The following KAZN variants were observed in gnomAD, a reference collection of about 807,000 sequenced individuals.
The protein encoded by KAZN is kazrin.
KAZN carries 40 observed loss-of-function variants against 87.4 expected under a neutral mutation model. The observed-to-expected ratio is 0.46, with a 90% CI of 0.36 to 0.60. The LOEUF is 0.60. Ranked by LOEUF, KAZN falls within the 20% of genes least tolerant of loss-of-function variation. KAZN has a pLI of 0.00. For missense variants in KAZN, 898 were observed against 1,073.9 expected (o/e 0.84, Z 2.29); for synonymous variants, 466 against 458.3 (o/e 1.02, Z -0.22).
intron 1 of KAZN, among the ~76,000 whole-genome samples, chr1:14,833,563 C>G (rs937989336): frequency 6.6e-6 from 1 of 152,144 alleles, no homozygotes. Context: ...GTAGGGTATC[C>G]GTCCTCTACC....
intron 14 of KAZN, chr1:15,113,590 A>G (rs1641734922): frequency 6.6e-6 from 1 of 152,208 alleles, no homozygotes; most frequent in Non-Finnish European, 1.5e-5. Flanking sequence ...TGTGATAATA[A>G]TAGTCACTAT....
At chr1:14,476,045 A>G (rs1668705667) in intron 2 of KAZN, among the ~76,000 whole-genome samples, 2 of 152,186 alleles carry the variant, frequency 1.3e-5, no homozygotes. Context: ...CAGCAGCCCA[A>G]CAGGCAGGTA....
intron 1 of KAZN, among the ~76,000 whole-genome samples, chr1:14,863,403 GAACA>G (rs2101029530): frequency 6.6e-6 from 1 of 152,312 alleles, no homozygotes; most frequent in South Asian, 2.1e-4. Context: ...GAATGTGATT[GAACA>G]AACCTCTAAC....
At chr1:14,502,369 T>G (rs180962824) in intron 2 of KAZN, among the ~76,000 whole-genome samples, 3 of 152,280 alleles carry the variant, frequency 2.0e-5, no homozygotes, top group Admixed American at 2.0e-4. Context: ...CTGAAGGCAA[T>G]AGTTTTGAAG....
chr1:14,776,667 C>T (rs1645182405), intron 1 of KAZN, among the ~76,000 whole-genome samples: 1 of 152,258 alleles, frequency 6.6e-6, no homozygotes, highest in South Asian at 2.1e-4. Context: ...AGTGACACAC[C>T]TGTAATCCCA....
chr1:13,945,679 T>TTGTGTGTGTGTGTG lies in KAZN; in HGVS notation c.91+51942_91+51955dup, dbSNP rs60728794. Among the ~76,000 whole-genome samples, 521 of 123,366 alleles carry TTGTGTGTGTGTGTG rather than the reference T, an allele frequency of 4.2e-3. 3 individuals are homozygous for TTGTGTGTGTGTGTG. Among genetic ancestry groups the TTGTGTGTGTGTGTG allele is most frequent in the Middle Eastern group, 7.9e-3 (2 of 252 alleles). 80.9% of individuals were successfully genotyped at this position (123,366 alleles called of 152,430 possible). A position where few individuals can be genotyped will look rare whatever the true frequency, so the allele number is the denominator to read the frequency against. ...TTTTTAAATGACATTTGCTCTCAGT[T>TTGTGTGTGTGTGTG]TGTGTGTGTGTGTGTGTGTGTGTGT... On this transcript the variant is annotated intron_variant, in intron 1 of 16. Transcript: ENST00000636203.
intron 1 of KAZN, among the ~76,000 whole-genome samples, chr1:14,659,005 G>C (rs146349180): frequency 6.6e-6 from 1 of 152,126 alleles, no homozygotes; most frequent in Non-Finnish European, 1.5e-5. Context: ...TCAAGAGGCC[G>C]AGGTGGGAGG....
chr1:14,529,036 G>C (rs1397783119), intron 2 of KAZN, among the ~76,000 whole-genome samples: 1 of 152,140 alleles, frequency 6.6e-6, no homozygotes, highest in Admixed American at 6.5e-5. Context: ...CGGCGCGGTG[G>C]CTCATGCCTG....
In KAZN at chr1:14,904,907, G is replaced by A. The variant is rs758841501; in HGVS notation, c.227-55777G>A. On this transcript the variant is annotated intron_variant, in intron 1 of 14. Transcript: ENST00000376030. ...CTCCCAAGTAGCTGGAACTACAGGCGCTGGCCACCACACCTGGCTAATTTT... is the reference window on the plus strand; with the variant it reads ...CTCCCAAGTAGCTGGAACTACAGGCACTGGCCACCACACCTGGCTAATTTT... Among the ~76,000 whole-genome samples the A allele has an allele frequency of 1.2e-4, 18 of 152,124 alleles. 1 individual carries two copies. The South Asian group carries it at 3.1e-3, about 26-fold the overall frequency.
At chr1:14,843,520 C>A (rs1362392180) in intron 1 of KAZN, among the ~76,000 whole-genome samples, 2 of 152,176 alleles carry the variant, frequency 1.3e-5, no homozygotes, top group African/African-American at 2.4e-5. Flanking sequence ...AGGAGATGAC[C>A]TTTCTGCCGT....
At chr1:14,120,004 C>T (rs1452455212) in intron 1 of KAZN, among the ~76,000 whole-genome samples, 1 of 152,142 alleles carries the variant, frequency 6.6e-6, no homozygotes, top group East Asian at 1.9e-4. Flanking sequence ...CTTGTTCACA[C>T]TCTGCTAGAC....
rs760075284 is a variant in KAZN, at chr1:15,094,956, C to CG, written c.1547+28dup. 194 of 1,511,390 alleles carry CG rather than the reference C, an allele frequency of 1.3e-4. No homozygotes were observed. Among genetic ancestry groups the CG allele is most frequent in the Admixed American group, 1.8e-4 (9 of 50,626 alleles). The allele number at this position is 1,511,390 out of a possible 1,614,324, so 93.6% of individuals were successfully genotyped here. On this transcript the variant is annotated intron_variant, in intron 10 of 14. Coordinates refer to ENST00000376030, the MANE Select transcript of KAZN (RefSeq NM_201628.3). This position sits in a 1 kb window ranked among gnomAD's most constrained non-coding sequence, Gnocchi z 4.5. ...CAGGTGAGCCCACCACGAGGGGCCCCGGGGGAGGAGAGAAAAAGTCATCCT... is the reference window on the plus strand; with the variant it reads ...CAGGTGAGCCCACCACGAGGGGCCCCGGGGGGAGGAGAGAAAAAGTCATCCT...
chr1:14,212,210 C>T (rs1646867867), intron 2 of KAZN, among the ~76,000 whole-genome samples: 1 of 152,146 alleles, frequency 6.6e-6, no homozygotes, highest in African/African-American at 2.4e-5. Flanking sequence ...TTGGCATCAT[C>T]CCCTGCTAGG....
At chr1:14,238,371 C>T (rs1347478358) in intron 2 of KAZN, among the ~76,000 whole-genome samples, 1 of 152,196 alleles carries the variant, frequency 6.6e-6, no homozygotes, top group Non-Finnish European at 1.5e-5. Flanking sequence ...TGGGTGTCCT[C>T]TCCAGATGGG....
chr1:14,113,667 T>C (rs779089118), intron 1 of KAZN, among the ~76,000 whole-genome samples: 3 of 152,228 alleles, frequency 2.0e-5, no homozygotes, highest in Non-Finnish European at 4.4e-5. Flanking sequence ...ACCCAAGTGT[T>C]CTGACTGCAG....
chr1:14,489,735 A>AT (rs1482681708), intron 2 of KAZN, among the ~76,000 whole-genome samples: 3 of 103,216 alleles, frequency 2.9e-5, no homozygotes, highest in South Asian at 2.7e-4. Flanking sequence ...CTCTGTCTTA[A>AT]AAATAATAAT....
rs9725437 is a variant in KAZN, at chr1:15,048,803, A to G, written c.726+4644A>G. Among the ~76,000 whole-genome samples, 142 of 68,322 alleles carry G rather than the reference A, an allele frequency of 2.1e-3. 3 individuals are homozygous for G. Among genetic ancestry groups the G allele is most frequent in the African/African-American group, 4.4e-3 (72 of 16,506 alleles). 44.8% of individuals were successfully genotyped at this position (68,322 alleles called of 152,430 possible). ...CGTTGATCCTTGGTCATTGGTCCTGAGTCGTTGGTCCTGGGTTGTTGGTGC... is the reference window on the plus strand; with the variant it reads ...CGTTGATCCTTGGTCATTGGTCCTGGGTCGTTGGTCCTGGGTTGTTGGTGC... On this transcript the variant is annotated intron_variant, in intron 4 of 14. Coordinates refer to ENST00000376030, the MANE Select transcript of KAZN (RefSeq NM_201628.3).
intron 1 of KAZN, among the ~76,000 whole-genome samples, chr1:14,693,967 TA>T (rs1196708288): frequency 1.3e-5 from 2 of 152,210 alleles, no homozygotes; most frequent in Non-Finnish European, 2.9e-5. Flanking sequence ...GCATGCAGTC[TA>T]AGCATGATTT....
At chr1:14,072,406 C>T (rs949864011) in intron 1 of KAZN, among the ~76,000 whole-genome samples, 5 of 152,036 alleles carry the variant, frequency 3.3e-5, no homozygotes, top group African/African-American at 1.2e-4. Flanking sequence ...TCCAGGGCCT[C>T]GGAAAGATGG....
Sources: allele counts gnomAD v4.1 joint callset (sites outside exome capture counted in the v4.1 genomes callset), GRCh38; gene constraint gnomAD v4.1.1; non-coding constraint Gnocchi (gnomAD v3.1); transcripts MANE v1.5; gene names NCBI Gene and HGNC (gene_info 2026-07-23, HGNC 2026-07-21).